Variants in HYDIN observed in about 807,000 individuals in gnomAD.
HYDIN encodes axonemal central pair apparatus protein HYDIN.
HYDIN carries 132 observed loss-of-function variants against 403.9 expected under a neutral mutation model. The ratio of observed to expected loss-of-function variants is 0.33; its 90% CI spans 0.28 to 0.38. The LOEUF (loss-of-function observed/expected upper bound fraction) is 0.38. Among genes scored for constraint, HYDIN ranks in the 10% least tolerant of loss-of-function variants. The probability of loss-of-function intolerance (pLI) is 1.00; values close to 1 mark genes in which losing one functional copy is unlikely to be tolerated. For missense variants in HYDIN, 2,827 were observed against 5,009.5 expected, an observed-to-expected ratio of 0.56 and a Z score of 13.15; for synonymous variants, 1,202 against 1,891.7, an observed-to-expected ratio of 0.64 and a Z score of 9.46.
At chr16:71,183,465 T>C (rs1402017320) in intron 3 of HYDIN, among the ~76,000 whole-genome samples, 1 of 152,170 alleles carries the variant, frequency 6.6e-6, no homozygotes, top group African/African-American at 2.4e-5. Context: ...AGGAAAAATG[T>C]AGTGTATCCT....
intron 16 of HYDIN, 120 bp from the exon 17 acceptor site, chr16:71,062,453 A>G: frequency 3.9e-6 from 3 of 778,940 alleles, no homozygotes; most frequent in Non-Finnish European, 6.0e-6. Flanking sequence ...TTATTATTCA[A>G]GCAAGTAAAT....
At chr16:71,212,383 A>G (rs1261491127) in intron 1 of HYDIN, among the ~76,000 whole-genome samples, 1 of 152,186 alleles carries the variant, frequency 6.6e-6, no homozygotes, top group South Asian at 2.1e-4. Flanking sequence ...AATGTGGCAG[A>G]ATGTTAACAA....
intron 41 of HYDIN, among the ~76,000 whole-genome samples, chr16:70,945,494 G>C (rs538872625): frequency 6.6e-6 from 1 of 152,320 alleles, no homozygotes; most frequent in South Asian, 2.1e-4. Flanking sequence ...AGAATTTCGA[G>C]AGTCATAAGC....
At chr16:71,046,691 A>T (rs1356302582) in intron 18 of HYDIN, among the ~76,000 whole-genome samples, 1 of 152,238 alleles carries the variant, frequency 6.6e-6, no homozygotes, top group Non-Finnish European at 1.5e-5. Context: ...TCCTTGATAA[A>T]CATCATATAA....
At chr16:71,229,155 G>A (rs1364530799) in intron 1 of HYDIN, among the ~76,000 whole-genome samples, 1 of 122,218 alleles carries the variant, frequency 8.2e-6, no homozygotes, top group African/African-American at 3.1e-5. Context: ...GGGGCCTGTT[G>A]TGGGGTGGGG....
chr16:71,209,325 C>T (rs2144727370), intron 1 of HYDIN, among the ~76,000 whole-genome samples: 1 of 151,718 alleles, frequency 6.6e-6, no homozygotes, highest in African/African-American at 2.4e-5. Flanking sequence ...GAAGAAAAGG[C>T]TTTCAGTAAA....
In HYDIN at chr16:71,135,833, T is replaced by A. The variant is rs1039134014; in HGVS notation, c.1043+1318A>T. ...AAAAGATGGCACAGTGGCAATTCAG[T>A]GATTAAAGCTCATTGTCTGAATGAC... On this transcript the variant is annotated intron_variant, in intron 8 of 85. Transcript: ENST00000393567. 2.0e-4 allele frequency among the ~76,000 whole-genome samples: 29 copies of A among 141,818 alleles called. 1 individual carries two copies. Among genetic ancestry groups the A allele is most frequent in the Non-Finnish European group, 4.4e-4 (29 of 65,196 alleles). 93.0% of individuals were successfully genotyped at this position (141,818 alleles called of 152,430 possible).
rs2086791394 is a variant in HYDIN at position 71,178,909 on chromosome 16, C to A, written c.381+19G>T. The A allele has an allele frequency of 1.2e-6, 2 of 1,601,448 alleles. No homozygotes were observed. The highest frequency in any genetic ancestry group is 2.7e-5 in the African/African-American group (2 of 74,534). ...CATATATCCTGGAACAGTTCACCCACCCCAGTGAACATACTCACTTTGTCA... is the reference window on the plus strand; with the variant it reads ...CATATATCCTGGAACAGTTCACCCAACCCAGTGAACATACTCACTTTGTCA... On this transcript the variant is annotated intron_variant, in intron 4 of 85. Coordinates refer to ENST00000393567, the MANE Select transcript of HYDIN (RefSeq NM_001270974.2).
At chr16:70,902,821 A>ATATATATAT in intron 52 of HYDIN, among the ~76,000 whole-genome samples, 5 of 47,310 alleles carry the variant, frequency 1.1e-4, no homozygotes, top group Non-Finnish European at 1.5e-4. Context: ...ATATATATAT[A>ATATATATAT]TTTTTTTTTT....
rs185074899 is a variant in HYDIN, at chr16:71,230,439, G to T, written c.-24+123C>A. On this transcript the variant is annotated intron_variant, in intron 1 of 85. Coordinates refer to ENST00000393567, the MANE Select transcript of HYDIN (RefSeq NM_001270974.2). ...CTAGGGAAGGCTGAGGAGGGGAGGG[G>T]TCTGGAAAGTCTGGAGAACGCCTGG... 6,700 of 1,170,466 alleles carry T rather than the reference G, an allele frequency of 5.7e-3. 23 individuals carry two copies. The highest frequency in any genetic ancestry group is 6.9e-3 in the Non-Finnish European group (5,953 of 861,856). 72.5% of individuals were successfully genotyped at this position (1,170,466 alleles called of 1,614,324 possible).
At chr16:70,938,177 T>G (rs1408937215) in intron 44 of HYDIN, among the ~76,000 whole-genome samples, 4 of 152,182 alleles carry the variant, frequency 2.6e-5, no homozygotes, top group African/African-American at 9.6e-5. Flanking sequence ...GGCTGAGATT[T>G]GGGGAGCAGT....
At chr16:71,073,144 A>G (rs565161477) in intron 13 of HYDIN, among the ~76,000 whole-genome samples, 14 of 152,372 alleles carry the variant, frequency 9.2e-5, no homozygotes, top group African/African-American at 3.1e-4. Context: ...CTTTACCCAC[A>G]GTAGATAGCT....
intron 27 of HYDIN, 63 bp from the exon 28 acceptor site, chr16:70,985,385 G>A (rs965898826): frequency 2.2e-5 from 22 of 992,910 alleles, no homozygotes; most frequent in African/African-American, 4.8e-5. Context: ...TGACAAAGGT[G>A]CAGAAACATG....
chr16:70,995,531 C>T (rs2079503484), intron 23 of HYDIN, among the ~76,000 whole-genome samples: 1 of 151,934 alleles, frequency 6.6e-6, no homozygotes, highest in African/African-American at 2.4e-5. Flanking sequence ...TTTTGTGCTA[C>T]AAAGTTAAAA....
In HYDIN at chr16:71,178,936, T is replaced by A. The variant is rs762936823; in HGVS notation, c.373A>T (p.Asn125Tyr). Residue 125 changes from asparagine (N) to tyrosine (Y), a missense_variant, in exon 4 of 86, where the codon AAT becomes TAT. Physicochemically the swap from Asn to Tyr is moderately radical, Grantham distance 143. Transcript: ENST00000393567. ...VYEVPLILRN[N>Y]DKIPRLVKVV... ...CCAGTGAACATACTCACTTTGTCAT[T>A]GTTCCTCAAAATCAGTGGAACTTCA... The A allele has an allele frequency of 4.2e-5, 68 of 1,611,786 alleles. 2 individuals are homozygous for A. In the South Asian group the frequency reaches 7.3e-4, roughly 17 times the overall value.
chr16:71,198,606 T>C (rs1257622132), intron 1 of HYDIN, among the ~76,000 whole-genome samples: 2 of 152,218 alleles, frequency 1.3e-5, no homozygotes, highest in Admixed American at 6.5e-5. Context: ...CAGTGAGTCA[T>C]ATTATTCCAG....
intron 53 of HYDIN, 56 bp downstream of exon 53, chr16:70,900,948 G>C: frequency 1.7e-6 from 1 of 577,474 alleles, no homozygotes; most frequent in South Asian, 2.0e-5. Context: ...GTGTGTGTGT[G>C]TGTGTGTGTG....
intron 4 of HYDIN, among the ~76,000 whole-genome samples, chr16:71,178,488 T>C (rs995177007): frequency 2.7e-5 from 4 of 148,754 alleles, no homozygotes; most frequent in Admixed American, 2.7e-4. Context: ...CATATATATA[T>C]ATACAGACAT....
Position 71,027,113 on chromosome 16 carries a change from G to A in HYDIN, c.3042+489C>T, listed in dbSNP as rs2080734419. 27 of 1,035,248 alleles carry A rather than the reference G, an allele frequency of 2.6e-5. No homozygotes were observed. In the South Asian group the frequency reaches 7.6e-4, roughly 29 times the overall value. 64.1% of individuals were successfully genotyped at this position (1,035,248 alleles called of 1,614,324 possible). On this transcript the variant is annotated intron_variant, in intron 20 of 85. Coordinates refer to ENST00000393567, the MANE Select transcript of HYDIN (RefSeq NM_001270974.2). ...ATAAAAGCAGGGAATCAGAGTTGCT[G>A]AAGATAAATGTGGCTCTTTTATTAA...
Sources: gnomAD v4.1 joint callset for allele counts (sites outside exome capture counted in the v4.1 genomes callset) on GRCh38, gnomAD v4.1.1 for gene constraint, MANE v1.5 for transcripts, NCBI Gene and HGNC (gene_info 2026-07-23, HGNC 2026-07-21) for gene names.